The following DOCK3 variants were observed in gnomAD, a reference collection of about 807,000 sequenced individuals.
DOCK3 encodes dedicator of cytokinesis 3.
Under a neutral mutation model 265.6 loss-of-function variants are expected in DOCK3, and 60 were observed. That is an observed-to-expected ratio of 0.23 (90% CI 0.18 to 0.28). DOCK3 has a LOEUF of 0.28. Among genes scored for constraint, DOCK3 ranks in the 10% least tolerant of loss-of-function variants. The pLI, the probability that DOCK3 is intolerant of heterozygous loss-of-function variation, is 1.00. For missense variants in DOCK3, 1,981 were observed against 2,594.3 expected (o/e 0.76, Z 5.14); for synonymous variants, 881 against 938.0 (o/e 0.94, Z 1.11).
At chr3:50,991,038 C>T (rs766846241) in intron 5 of DOCK3, among the ~76,000 whole-genome samples, 1 of 152,142 alleles carries the variant, frequency 6.6e-6, no homozygotes, top group Non-Finnish European at 1.5e-5. Context: ...TAAATAAGAT[C>T]CTTTTCAGAT....
intron 3 of DOCK3, among the ~76,000 whole-genome samples, chr3:50,864,654 C>T (rs1198542201): frequency 6.6e-6 from 1 of 151,916 alleles, no homozygotes; most frequent in Non-Finnish European, 1.5e-5. Flanking sequence ...TTTGGTTCTT[C>T]TGCATAGGGA....
chr3:51,202,481 C>G (rs1237863043), intron 12 of DOCK3, among the ~76,000 whole-genome samples: 2 of 152,192 alleles, frequency 1.3e-5, no homozygotes, highest in Middle Eastern at 3.4e-3. Context: ...GAAGTTGAAT[C>G]TCTGAATAGA....
chr3:50,817,944 C>T (rs1480715658), intron 2 of DOCK3, among the ~76,000 whole-genome samples: 1 of 152,168 alleles, frequency 6.6e-6, no homozygotes, highest in Non-Finnish European at 1.5e-5. Flanking sequence ...TTGTCTTTTT[C>T]TCTTTACCTA....
intron 5 of DOCK3, among the ~76,000 whole-genome samples, chr3:51,002,009 G>A (rs192920710): frequency 7.1e-4 from 108 of 152,094 alleles, no homozygotes; most frequent in African/African-American, 2.6e-3. Flanking sequence ...TTGAATCAGC[G>A]ATCATTGCTC....
chr3:51,139,966 G>C (rs966636927), intron 9 of DOCK3, among the ~76,000 whole-genome samples: 3 of 152,212 alleles, frequency 2.0e-5, no homozygotes, highest in African/African-American at 7.2e-5. Context: ...TGTGAGATGA[G>C]ATGGGGCTGT....
intron 1 of DOCK3, among the ~76,000 whole-genome samples, chr3:50,702,905 A>T (rs1182152388): frequency 6.6e-6 from 1 of 152,138 alleles, no homozygotes; most frequent in African/African-American, 2.4e-5. Context: ...GAAAGTGGGC[A>T]TCCTTGTCTT....
At chr3:51,152,166 C>T (rs1363078127) in intron 10 of DOCK3, among the ~76,000 whole-genome samples, 1 of 152,060 alleles carries the variant, frequency 6.6e-6, no homozygotes, top group African/African-American at 2.4e-5. Flanking sequence ...TCACATAGTC[C>T]CATATTTCTT....
At position 51,341,336 on chromosome 3, in the gene DOCK3, G is replaced by T. The variant is rs539996527; in HGVS notation, c.3866G>T (p.Arg1289Leu). ...LHYPSQTEWQRKEGLCRKIIH... is the reference protein window; with the variant it reads ...LHYPSQTEWQLKEGLCRKIIH... ...TACCCATCGCAGACAGAGTGGCAGC[G>T]GAAGGAGGGACTGTGCCGGAAGATC... is the stretch of plus-strand genomic sequence containing the variant. The change falls in exon 38 of 53, where the codon CGG (arginine) becomes CTG (leucine). Residue 1289 changes from arginine (R) to leucine (L), a missense_variant. This residue lies in a region of DOCK3 where 1,357 missense variants were observed against 1,866.8 expected (regional missense o/e 0.73). Transcript: ENST00000266037. 1 of 1,613,814 alleles carries T rather than the reference G, an allele frequency of 6.2e-7. No homozygotes were observed.
intron 35 of DOCK3, among the ~76,000 whole-genome samples, chr3:51,335,237 T>A (rs564673910): frequency 5.4e-4 from 73 of 134,466 alleles, no homozygotes; most frequent in South Asian, 3.0e-3. Flanking sequence ...AAATATAATT[T>A]AAAAAAAAAA....
Position 51,361,256 on chromosome 3 carries a change from T to C in DOCK3, c.5007-603T>C, listed in dbSNP as rs920443668. On this transcript the variant is annotated intron_variant, in intron 47 of 52. Coordinates refer to ENST00000266037, the MANE Select transcript of DOCK3 (RefSeq NM_004947.5). The surrounding 1 kb of genome is among the most constrained non-coding windows in gnomAD (Gnocchi z 4.2). ...GAGAGGAGCCCCTCACTTAGGCTTG[T>C]TTTCCAGTGTGAGCAGCAGCTCAGC... is the stretch of plus-strand genomic sequence containing the variant. 3.3e-5 allele frequency among the ~76,000 whole-genome samples: 5 copies of C among 152,186 alleles called. No homozygotes were observed. Among genetic ancestry groups the C allele is most frequent in the African/African-American group, 1.2e-4 (5 of 41,432 alleles).
intron 5 of DOCK3, among the ~76,000 whole-genome samples, chr3:51,054,027 T>A (rs1163431326): frequency 6.6e-6 from 1 of 151,226 alleles, no homozygotes; most frequent in Non-Finnish European, 1.5e-5. Flanking sequence ...TCTTTGCTTC[T>A]CTCCTAGGTC....
At chr3:51,214,303 C>T (rs2089665417) in intron 14 of DOCK3, 56 bp downstream of exon 14, 1 of 1,599,348 alleles carries the variant, frequency 6.3e-7, no homozygotes, top group South Asian at 1.1e-5. Context: ...GAATCTGGTG[C>T]TCCCCTCCTG....
chr3:50,875,468 A>G (rs1055679396), intron 3 of DOCK3, among the ~76,000 whole-genome samples: 11 of 152,260 alleles, frequency 7.2e-5, no homozygotes, highest in African/African-American at 2.6e-4. Context: ...GTGTTCAGGT[A>G]AATTCCTTCC....
In DOCK3 at chr3:51,122,377, G is replaced by A. The variant is rs368194178; in HGVS notation, c.747-24172G>A. Among the ~76,000 whole-genome samples the A allele has an allele frequency of 2.4e-4, 37 of 152,244 alleles. No individual in the cohort carries two copies. The East Asian group carries it at 3.1e-3, about 13-fold the overall frequency. On this transcript the variant is annotated intron_variant, in intron 9 of 52. Transcript: ENST00000266037. ...CACCTGTAGTCCTAGGTACTTGGGA[G>A]GCTCAGATGGGAAGAGCCCAGAAGT...
chr3:51,295,790 G>T (rs1045726206), intron 27 of DOCK3, among the ~76,000 whole-genome samples: 1 of 151,922 alleles, frequency 6.6e-6, no homozygotes, highest in Non-Finnish European at 1.5e-5. Flanking sequence ...GGGGGGTGGG[G>T]GGTAACCCTT....
At chr3:51,304,393 A>G (rs1017290441) in intron 27 of DOCK3, among the ~76,000 whole-genome samples, 6 of 152,002 alleles carry the variant, frequency 3.9e-5, no homozygotes, top group African/African-American at 9.7e-5. Context: ...GGCAGCAGGC[A>G]GCTATAGTGA....
intron 5 of DOCK3, among the ~76,000 whole-genome samples, chr3:51,000,826 T>C (rs1041065478): frequency 2.0e-5 from 3 of 152,186 alleles, no homozygotes; most frequent in Non-Finnish European, 4.4e-5. Context: ...CTAATTTTTG[T>C]ATTTTTAGTA....
At chr3:51,348,011 G>T (rs1439992373) in intron 38 of DOCK3, among the ~76,000 whole-genome samples, 1 of 152,190 alleles carries the variant, frequency 6.6e-6, no homozygotes, top group Non-Finnish European at 1.5e-5. Flanking sequence ...CTTTGCTGAA[G>T]TTGCTTATCA....
intron 7 of DOCK3, among the ~76,000 whole-genome samples, chr3:51,078,770 T>C (rs1272216330): frequency 6.6e-6 from 1 of 152,186 alleles, no homozygotes; most frequent in Non-Finnish European, 1.5e-5. Context: ...CAATGCTCTT[T>C]AACTCCTTTT....
Sources: gnomAD v4.1 joint callset for allele counts (sites outside exome capture counted in the v4.1 genomes callset) on GRCh38, gnomAD v4.1.1 for gene constraint, gnomAD v4.1.1 regional missense constraint, Gnocchi (gnomAD v3.1) non-coding constraint, MANE v1.5 for transcripts, NCBI Gene and HGNC (gene_info 2026-07-23, HGNC 2026-07-21) for gene names.